Variants in SLC25A21 observed in about 807,000 individuals in gnomAD.
The protein encoded by SLC25A21 is solute carrier family 25 member 21, also known as mitochondrial 2-oxodicarboxylate carrier.
SLC25A21 carries 47 observed loss-of-function variants against 43.8 expected under a neutral mutation model. The observed-to-expected ratio is 1.07, with a 90% CI of 0.85 to 1.37. SLC25A21 has a LOEUF of 1.37. Among genes scored for constraint, SLC25A21 ranks in the 40% most tolerant of loss-of-function variants. The pLI, the probability that SLC25A21 is intolerant of heterozygous loss-of-function variation, is 0.00. For synonymous variants in SLC25A21, 131 were observed against 121.3 expected, an observed-to-expected ratio of 1.08 and a Z score of -0.52; for missense variants, 352 against 350.2, an observed-to-expected ratio of 1.00 and a Z score of -0.04.
At chr14:36,991,769 A>G (rs1389323961) in intron 1 of SLC25A21, among the ~76,000 whole-genome samples, 1 of 152,210 alleles carries the variant, frequency 6.6e-6, no homozygotes, top group Non-Finnish European at 1.5e-5. Context: ...CAACAGTGCC[A>G]TCTACTAACC....
rs1178772826 is a variant in SLC25A21, at chr14:36,789,799, A to AT, written c.203+24118dup. On this transcript the variant is annotated intron_variant, in intron 3 of 9. Transcript: ENST00000331299. The stretch of plus-strand genomic sequence containing the variant: ...CATTTTATATATTTATATATAATAT[A>AT]TTTTATATATTATATATAATATATT... Among the ~76,000 whole-genome samples, 2 of 92,862 alleles carry AT rather than the reference A, an allele frequency of 2.2e-5. 1 individual carries two copies. The highest frequency in any genetic ancestry group is 6.6e-4 in the South Asian group (2 of 3,018). 60.9% of individuals were successfully genotyped at this position (92,862 alleles called of 152,430 possible). A position where few individuals can be genotyped will look rare whatever the true frequency, so the allele number is the denominator to read the frequency against.
chr14:36,767,532 C>A (rs1043406688), intron 3 of SLC25A21, among the ~76,000 whole-genome samples: 1 of 152,064 alleles, frequency 6.6e-6, no homozygotes, highest in African/African-American at 2.4e-5. Flanking sequence ...GGAAAGTCAG[C>A]GTAAAAGTAG....
chr14:37,035,960 C>G (rs1439163615), intron 1 of SLC25A21, among the ~76,000 whole-genome samples: 1 of 152,214 alleles, frequency 6.6e-6, no homozygotes, highest in African/African-American at 2.4e-5. Context: ...AAATACACTG[C>G]TATACCCAGA....
chr14:37,071,551 G>A (rs1195120261), intron 1 of SLC25A21, among the ~76,000 whole-genome samples: 1 of 152,120 alleles, frequency 6.6e-6, no homozygotes, highest in Non-Finnish European at 1.5e-5. Context: ...CTATGTTTTT[G>A]ATAATCATTA....
At chr14:36,841,952 C>T (rs549959698) in intron 2 of SLC25A21, among the ~76,000 whole-genome samples, 2 of 152,306 alleles carry the variant, frequency 1.3e-5, no homozygotes, top group East Asian at 3.9e-4. Flanking sequence ...AAATCTTATG[C>T]AAAGCCAGAA....
chr14:37,020,561 T>C (rs998738564), intron 1 of SLC25A21, among the ~76,000 whole-genome samples: 5 of 151,988 alleles, frequency 3.3e-5, no homozygotes, highest in Admixed American at 3.3e-4. Context: ...AATTTGTTTG[T>C]ACTATGTAAA....
Position 36,684,918 on chromosome 14 carries a change from A to G in SLC25A21, c.611T>C (p.Ile204Thr). The change falls in exon 8 of 10, where the codon ATC (isoleucine) becomes ACC (threonine). Residue 204 changes from isoleucine (I) to threonine (T), a missense_variant. Ile to Thr is a moderately conservative substitution (Grantham distance 89, BLOSUM62 -1). Coordinates refer to ENST00000331299, the MANE Select transcript of SLC25A21 (RefSeq NM_030631.4). The stretch of plus-strand genomic sequence containing the variant: ...CCCAAATTTTCTCCAAAACTCCAAG[A>G]TTGGATCCTAAAAGAAAAGAAGAAT... The part of the protein sequence containing the change: ...KNMIPVNKDP[I>T]LEFWRKFGIG... The G allele has an allele frequency of 6.2e-7, 1 of 1,608,044 alleles. No homozygotes were observed. Among genetic ancestry groups the G allele is most frequent in the Non-Finnish European group, 8.5e-7 (1 of 1,178,424 alleles).
chr14:36,862,049 A>G (rs1049277307), intron 2 of SLC25A21, among the ~76,000 whole-genome samples: 11 of 152,200 alleles, frequency 7.2e-5, no homozygotes, highest in Non-Finnish European at 1.3e-4. Flanking sequence ...GCAAATCAAA[A>G]CCACAATGAG....
At chr14:37,037,646 T>C (rs1169650359) in intron 1 of SLC25A21, among the ~76,000 whole-genome samples, 2 of 152,216 alleles carry the variant, frequency 1.3e-5, no homozygotes, top group Non-Finnish European at 2.9e-5. Flanking sequence ...TTCTTGCTTA[T>C]GTTCTGACCC....
At chr14:37,106,980 A>G (rs185053927) in intron 1 of SLC25A21, among the ~76,000 whole-genome samples, 1 of 152,362 alleles carries the variant, frequency 6.6e-6, no homozygotes, top group East Asian at 1.9e-4. Context: ...CACTATTGTG[A>G]CAGTGTCACT....
intron 3 of SLC25A21, among the ~76,000 whole-genome samples, chr14:36,798,698 G>A (rs976548948): frequency 3.3e-5 from 5 of 152,010 alleles, no homozygotes; most frequent in South Asian, 2.1e-4. Flanking sequence ...AAAAGATGCC[G>A]ATATCTTTTT....
At chr14:36,961,480 C>T (rs994592) in intron 1 of SLC25A21, among the ~76,000 whole-genome samples, 1,551 of 152,274 alleles carry the variant, frequency 0.01, 36 homozygotes, top group African/African-American at 0.035. Context: ...TGAGGCTTCG[C>T]GAGAAAGTGA....
chr14:37,164,936 C>G (rs1246462508), intron 1 of SLC25A21, among the ~76,000 whole-genome samples: 1 of 152,186 alleles, frequency 6.6e-6, no homozygotes, highest in African/African-American at 2.4e-5. Flanking sequence ...TAACACTACA[C>G]AAAGTACTTG....
At chr14:36,910,796 T>C (rs1891666960) in intron 1 of SLC25A21, among the ~76,000 whole-genome samples, 1 of 152,224 alleles carries the variant, frequency 6.6e-6, no homozygotes, top group Non-Finnish European at 1.5e-5. Context: ...CCCTGTCAAT[T>C]AGTTAATGAA....
chr14:36,695,083 G>C (rs1010352688), intron 7 of SLC25A21, among the ~76,000 whole-genome samples: 2 of 152,118 alleles, frequency 1.3e-5, no homozygotes, highest in African/African-American at 4.8e-5. Context: ...ATTAATTTTT[G>C]CATAAGGTAT....
At chr14:37,111,143 T>G (rs564503488) in intron 1 of SLC25A21, among the ~76,000 whole-genome samples, 1 of 152,286 alleles carries the variant, frequency 6.6e-6, no homozygotes, top group African/African-American at 2.4e-5. Context: ...GGTTTGAAGG[T>G]TTCTAAACTT....
At position 36,805,540 on chromosome 14, in the gene SLC25A21, C is replaced by T. The variant is rs1337857417; in HGVS notation, c.203+8378G>A. Among the ~76,000 whole-genome samples the T allele has an allele frequency of 3.3e-5, 5 of 152,250 alleles. No individual in the cohort carries two copies. In the East Asian group the frequency reaches 9.7e-4, roughly 30 times the overall value. The stretch of plus-strand genomic sequence containing the variant: ...GGAACTGTTACTTTACAACCCAGTA[C>T]AGCTTCTGCCAGCAACTGTGTGGCT... On this transcript the variant is annotated intron_variant, in intron 3 of 9. Coordinates refer to ENST00000331299, the MANE Select transcript of SLC25A21 (RefSeq NM_030631.4).
At chr14:36,868,371 A>G (rs972959843) in intron 2 of SLC25A21, among the ~76,000 whole-genome samples, 12 of 152,192 alleles carry the variant, frequency 7.9e-5, no homozygotes, top group Admixed American at 4.6e-4. Context: ...TTGATTCTAC[A>G]TAACTGCCAT....
At chr14:36,698,635 C>A (rs1883144947) in intron 7 of SLC25A21, among the ~76,000 whole-genome samples, 1 of 151,988 alleles carries the variant, frequency 6.6e-6, no homozygotes, top group African/African-American at 2.4e-5. Context: ...TTTTCTCTAA[C>A]CTGGTCTTCT....
Sources: allele counts gnomAD v4.1 joint callset (sites outside exome capture counted in the v4.1 genomes callset), GRCh38; gene constraint gnomAD v4.1.1; transcripts MANE v1.5; gene names NCBI Gene and HGNC (gene_info 2026-07-23, HGNC 2026-07-21).